The following CTNNA2 variants were observed in gnomAD, a reference collection of about 807,000 sequenced individuals.
CTNNA2 encodes the protein catenin alpha-2.
CTNNA2 carries 42 observed loss-of-function variants against 101.0 expected under a neutral mutation model. The ratio of observed to expected loss-of-function variants is 0.42; its 90% CI spans 0.32 to 0.54. CTNNA2 has a LOEUF of 0.54. CTNNA2 is among the 20% of genes least tolerant of loss of function. The probability of loss-of-function intolerance (pLI) is 0.14; values close to 1 mark genes in which losing one functional copy is unlikely to be tolerated. For synonymous variants in CTNNA2, 450 were observed against 456.4 expected (o/e 0.99, Z 0.18); for missense variants, 871 against 1,223.1 (o/e 0.71, Z 4.29).
intron 12 of CTNNA2, among the ~76,000 whole-genome samples, chr2:80,569,218 G>A (rs537128658): frequency 3.8e-4 from 58 of 152,208 alleles, no homozygotes; most frequent in African/African-American, 1.3e-3. Context: ...TTAGGATCTC[G>A]ATCAACACTA....
chr2:80,642,853 C>A (rs1296654094), intron 18 of CTNNA2, among the ~76,000 whole-genome samples: 1 of 152,080 alleles, frequency 6.6e-6, no homozygotes, highest in East Asian at 1.9e-4. Context: ...TCAGATAAGT[C>A]TTTGCTCCAG....
intron 7 of CTNNA2, among the ~76,000 whole-genome samples, chr2:79,943,986 C>G (rs1444721283): frequency 6.6e-6 from 1 of 152,116 alleles, no homozygotes; most frequent in Non-Finnish European, 1.5e-5. Flanking sequence ...TGAGTTCACC[C>G]ATTAATTAAT....
At chr2:79,260,470 G>A (rs1053324309) in intron 2 of CTNNA2, among the ~76,000 whole-genome samples, 2 of 152,124 alleles carry the variant, frequency 1.3e-5, no homozygotes, top group East Asian at 3.9e-4. Context: ...TATTTTCCTA[G>A]TCACTTGGGT....
intron 3 of CTNNA2, among the ~76,000 whole-genome samples, chr2:79,788,004 T>G (rs917662145): frequency 2.0e-5 from 3 of 152,104 alleles, no homozygotes; most frequent in African/African-American, 7.2e-5. Context: ...CCAATCTCAC[T>G]CACTTAGATG....
chr2:80,598,720 G>A (rs1306581217), intron 15 of CTNNA2, among the ~76,000 whole-genome samples: 2 of 152,130 alleles, frequency 1.3e-5, no homozygotes, highest in Non-Finnish European at 2.9e-5. Flanking sequence ...AAAAATGCAT[G>A]CAATGATTTG....
intron 4 of CTNNA2, among the ~76,000 whole-genome samples, chr2:79,398,283 C>A (rs1573146669): frequency 6.6e-6 from 1 of 152,168 alleles, no homozygotes; most frequent in East Asian, 1.9e-4. Flanking sequence ...TATGCCTTTT[C>A]CTAGCAATAA....
chr2:80,450,581 T>C (rs942088112), intron 9 of CTNNA2, among the ~76,000 whole-genome samples: 2 of 152,188 alleles, frequency 1.3e-5, no homozygotes, highest in African/African-American at 4.8e-5. Context: ...CCTCCAAGTC[T>C]ATCTTTTTTC....
At chr2:80,249,495 G>A (rs900071230) in intron 7 of CTNNA2, among the ~76,000 whole-genome samples, 4 of 152,174 alleles carry the variant, frequency 2.6e-5, no homozygotes, top group African/African-American at 9.7e-5. Flanking sequence ...TATTGAGCAT[G>A]TACTTTGTGC....
intron 7 of CTNNA2, among the ~76,000 whole-genome samples, chr2:80,020,993 CTTTTTTTTTTTT>C (rs869061321): frequency 1.3e-3 from 119 of 89,358 alleles, no homozygotes; most frequent in Admixed American, 0.012. Context: ...GACCAATCAT[CTTTTTTTTTTTT>C]TTTTTTTTTT....
At chr2:79,743,892 T>C (rs1275912128) in intron 2 of CTNNA2, among the ~76,000 whole-genome samples, 2 of 152,190 alleles carry the variant, frequency 1.3e-5, no homozygotes, top group Admixed American at 1.3e-4. Context: ...TCTTCGAAAG[T>C]CCTTGGAAAA....
intron 7 of CTNNA2, among the ~76,000 whole-genome samples, chr2:80,154,565 A>T (rs1703898707): frequency 6.6e-6 from 1 of 152,156 alleles, no homozygotes; most frequent in Non-Finnish European, 1.5e-5. Context: ...ATACTCTATT[A>T]GGTCTTTTGG....
intron 1 of CTNNA2, among the ~76,000 whole-genome samples, chr2:79,629,302 T>G (rs577938158): frequency 6.6e-6 from 1 of 152,352 alleles, no homozygotes; most frequent in East Asian, 1.9e-4. Flanking sequence ...AAGCACCTGT[T>G]TATAAAGAAT....
At chr2:79,454,348 G>T (rs1301218197) in intron 4 of CTNNA2, among the ~76,000 whole-genome samples, 2 of 151,872 alleles carry the variant, frequency 1.3e-5, no homozygotes, top group African/African-American at 4.8e-5. Flanking sequence ...TCTAGTACTT[G>T]CAATCTACAT....
At chr2:79,329,282 C>A (rs117116016) in intron 3 of CTNNA2, among the ~76,000 whole-genome samples, 1 of 152,078 alleles carries the variant, frequency 6.6e-6, no homozygotes, top group Non-Finnish European at 1.5e-5. Context: ...TTCCTAGAAA[C>A]AACATAGATG....
chr2:80,072,959 A>G (rs1176759425), intron 7 of CTNNA2, among the ~76,000 whole-genome samples: 1 of 152,242 alleles, frequency 6.6e-6, no homozygotes, highest in African/African-American at 2.4e-5. Flanking sequence ...AGTATCACAC[A>G]TGTGATGTAT....
chr2:79,511,466 C>A (rs1671537903), upstream of CTNNA2, among the ~76,000 whole-genome samples: 1 of 152,190 alleles, frequency 6.6e-6, no homozygotes, highest in Non-Finnish European at 1.5e-5. Context: ...CGTGTTTCTC[C>A]TGTTTCTATA....
intron 2 of CTNNA2, among the ~76,000 whole-genome samples, chr2:79,224,809 A>G (rs1454186091): frequency 6.6e-6 from 1 of 150,768 alleles, no homozygotes; most frequent in African/African-American, 2.4e-5. Context: ...ATAAATATTT[A>G]AATAAATATT....
intron 7 of CTNNA2, among the ~76,000 whole-genome samples, chr2:80,164,019 A>G (rs1573268996): frequency 2.0e-5 from 3 of 151,230 alleles, no homozygotes; most frequent in African/African-American, 7.3e-5. Context: ...TACTTATATT[A>G]TTACTTCTAC....
intron 3 of CTNNA2, among the ~76,000 whole-genome samples, chr2:79,764,975 T>C (rs1385949012): frequency 6.6e-6 from 1 of 152,032 alleles, no homozygotes; most frequent in African/African-American, 2.4e-5. Flanking sequence ...GTGTTAGAAA[T>C]AGTGAGAGTA....
Sources: gnomAD v4.1 joint callset for allele counts (sites outside exome capture counted in the v4.1 genomes callset) on GRCh38, gnomAD v4.1.1 for gene constraint, MANE v1.5 for transcripts, NCBI Gene and HGNC (gene_info 2026-07-23, HGNC 2026-07-21) for gene names.